Variants in HSPG2 observed in about 807,000 individuals in gnomAD.
HSPG2 encodes basement membrane-specific heparan sulfate proteoglycan core protein.
HSPG2 carries 278 observed loss-of-function variants against 526.6 expected under a neutral mutation model. The ratio of observed to expected loss-of-function variants is 0.53; its 90% CI spans 0.48 to 0.58. The LOEUF (loss-of-function observed/expected upper bound fraction) is 0.58, where lower values mean the gene tolerates loss of function less well. HSPG2 is among the 20% of genes least tolerant of loss of function. The pLI is 0.00. For missense variants in HSPG2, 5,354 were observed against 6,099.5 expected (o/e 0.88, Z 4.07); for synonymous variants, 2,465 against 2,555.4 (o/e 0.96, Z 1.07).
At position 21,827,903 on chromosome 1, in the gene HSPG2, T is replaced by C. The variant is rs777884144; in HGVS notation, c.12549A>G (p.Ile4183Met). ...PRCQQGSGHG[I>M]AESDWHLEGS... ...CTTCAAGATGCCAGTCGGACTCTGC[T>C]ATGCCATGTCCAGAGCCTATGGAGA... Residue 4183 changes from isoleucine (I) to methionine (M), a missense_variant, in exon 91 of 97, where the codon ATA becomes ATG. By Grantham distance (10) the Ile-to-Met change is conservative. Coordinates refer to ENST00000374695, the MANE Select transcript of HSPG2 (RefSeq NM_005529.7). The C allele has an allele frequency of 6.3e-7, 1 of 1,599,656 alleles. No homozygotes were observed. The highest frequency in any genetic ancestry group is 2.2e-5 in the East Asian group (1 of 44,546).
chr1:21,836,559 G>C (rs1450531746), intron 75 of HSPG2, among the ~76,000 whole-genome samples: 1 of 152,184 alleles, frequency 6.6e-6, no homozygotes, highest in African/African-American at 2.4e-5. Context: ...CTGACCTCAG[G>C]TGATCTGCCC....
At chr1:21,829,931 C>A (rs954541753) in intron 86 of HSPG2, 62 bp downstream of exon 86, 1 of 1,374,186 alleles carries the variant, frequency 7.3e-7, no homozygotes, top group Non-Finnish European at 1.0e-6. Context: ...CCTCAGAGTG[C>A]CCCACCCAGC....
chr1:21,878,073 G>T, intron 21 of HSPG2, 113 bp downstream of exon 21: 3 of 988,972 alleles, frequency 3.0e-6, no homozygotes, highest in Admixed American at 4.2e-5. Flanking sequence ...CCTCTGACTG[G>T]GTTACCACCC....
At chr1:21,867,151 TC>T (rs1304082359) in intron 33 of HSPG2, among the ~76,000 whole-genome samples, 2 of 135,768 alleles carry the variant, frequency 1.5e-5, no homozygotes, top group African/African-American at 5.7e-5. Flanking sequence ...AGATGGGGTC[TC>T]CCTATGTTGC....
Position 21,887,720 on chromosome 1 carries a change from T to C in HSPG2, c.704-46A>G, listed in dbSNP as rs1474681643. 5.6e-6 allele frequency: 9 copies of C among 1,612,220 alleles called. No homozygotes were observed. The highest frequency in any genetic ancestry group is 7.6e-6 in the Non-Finnish European group (9 of 1,178,812). The stretch of plus-strand genomic sequence containing the variant: ...GCATTTGGCAGAAGCAGATGGCTCC[T>C]CACCTGCTCCTTGTCCCCAACCCTC... On this transcript the variant is annotated intron_variant, in intron 7 of 96. Coordinates refer to ENST00000374695, the MANE Select transcript of HSPG2 (RefSeq NM_005529.7). The surrounding 1 kb of genome is among the most constrained non-coding windows in gnomAD (Gnocchi z 5.0).
chr1:21,885,157 A>G lies in HSPG2; in HGVS notation c.1211T>C (p.Met404Thr). 6.2e-7 allele frequency: 1 copy of G among 1,607,762 alleles called. No homozygotes were observed. Among genetic ancestry groups the G allele is most frequent in the Non-Finnish European group, 8.5e-7 (1 of 1,176,798 alleles). Residue 404 changes from methionine to threonine, a missense_variant and splice_region_variant, in exon 11 of 97, where the codon ATG becomes ACG. Coordinates refer to ENST00000374695, the MANE Select transcript of HSPG2 (RefSeq NM_005529.7). Reference sequence around the variant, plus strand: ...GGGAGGTGTCACCACCTGGGGGGGCACTGAGGAGACCAGGGCAGGAGTGAG... The same window carrying G: ...GGGAGGTGTCACCACCTGGGGGGGCGCTGAGGAGACCAGGGCAGGAGTGAG... ...CPDRSDEFGC[M>T]PPQVVTPPRE...
At chr1:21,853,162 GTGGGGACGGCCGACAGGTGGCCTTTC>G in intron 50 of HSPG2, 92 bp from the exon 51 acceptor site, 2 of 1,563,190 alleles carry the variant, frequency 1.3e-6, no homozygotes, top group Non-Finnish European at 1.7e-6. Context: ...CCAGGCCCTA[GTGGGGACGGCCGACAGGTGGCCTTTC>G]TGGGACTAGG....
At position 21,865,276 on chromosome 1, in the gene HSPG2, G is replaced by A; in HGVS notation, c.4395+9C>T. 6.2e-7 allele frequency: 1 copy of A among 1,613,644 alleles called. No individual in the cohort carries two copies. On this transcript the variant is annotated intron_variant, in intron 35 of 96. Coordinates refer to ENST00000374695, the MANE Select transcript of HSPG2 (RefSeq NM_005529.7). The surrounding 1 kb of genome is among the most constrained non-coding windows in gnomAD (Gnocchi z 5.4). The stretch of plus-strand genomic sequence containing the variant: ...GGGGTTAGACACAGCATGGCCAGGT[G>A]CCCCTTACCTCTCGGAACATGATCT...
chr1:21,848,078 G>T lies in HSPG2; in HGVS notation c.7753C>A (p.Leu2585Met). 2 of 1,607,784 alleles carry T rather than the reference G, an allele frequency of 1.2e-6. No homozygotes were observed. Among genetic ancestry groups the T allele is most frequent in the Non-Finnish European group, 1.7e-6 (2 of 1,177,536 alleles). Residue 2585 changes from leucine to methionine, a missense_variant, in exon 60 of 97, where the codon CTG (leucine) becomes ATG (methionine). By Grantham distance (15) the Leu-to-Met change is conservative. Transcript: ENST00000374695. This position sits in a 1 kb window ranked among gnomAD's most constrained non-coding sequence, Gnocchi z 4.9. Reference sequence around the variant, plus strand: ...GCCGGAGTCACCTGAGGGATCCGCAGCCGGGAGCCCACGATCTGCAGGAAG... The same window carrying T: ...GCCGGAGTCACCTGAGGGATCCGCATCCGGGAGCCCACGATCTGCAGGAAG... ...PSRHQIVGSR[L>M]RIPQVTPADS...
chr1:21,845,535 C>A (rs1053260958), intron 64 of HSPG2, among the ~76,000 whole-genome samples: 56 of 152,064 alleles, frequency 3.7e-4, no homozygotes, highest in African/African-American at 1.3e-3. Context: ...GGCGCCACCA[C>A]ACCCAGGTAA....
intron 1 of HSPG2, among the ~76,000 whole-genome samples, chr1:21,922,182 C>T (rs1281443945): frequency 6.6e-6 from 1 of 152,214 alleles, no homozygotes; most frequent in African/African-American, 2.4e-5. Flanking sequence ...TTCACCAAAA[C>T]CCTGCAGTGT....
chr1:21,887,173 G>GGAA lies in HSPG2; in HGVS notation c.1078+41_1078+42insTTC. The GGAA allele has an allele frequency of 1.9e-6, 3 of 1,611,808 alleles. No individual in the cohort carries two copies. The highest frequency in any genetic ancestry group is 2.5e-6 in the Non-Finnish European group (3 of 1,179,528). ...AAGGCGGGGCAGGAGCAAGCGGCCT[G>GGAA]GGCAGGGCAAGGGGGCCTCAGCTGG... On this transcript the variant is annotated intron_variant, in intron 9 of 96. Coordinates refer to ENST00000374695, the MANE Select transcript of HSPG2 (RefSeq NM_005529.7). The surrounding 1 kb of genome is among the most constrained non-coding windows in gnomAD (Gnocchi z 5.0).
chr1:21,893,680 G>C lies in HSPG2; in HGVS notation c.244+2242C>G, dbSNP rs1031090419. ...GCCCTGAGCCTGCAGAGTAGAGACA[G>C]AGAAGGAGGCAAGAAGGGACATTGA... On this transcript the variant is annotated intron_variant, in intron 3 of 96. Coordinates refer to ENST00000374695, the MANE Select transcript of HSPG2 (RefSeq NM_005529.7). This position sits in a 1 kb window ranked among gnomAD's most constrained non-coding sequence, Gnocchi z 4.3. Among the ~76,000 whole-genome samples the C allele has an allele frequency of 7.2e-5, 11 of 152,068 alleles. No homozygotes were observed. Among genetic ancestry groups the C allele is most frequent in the African/African-American group, 2.7e-4 (11 of 41,406 alleles).
At chr1:21,874,791 C>T (rs773857956) in intron 26 of HSPG2, 62 bp from the exon 27 acceptor site, 116 of 1,519,478 alleles carry the variant, frequency 7.6e-5, no homozygotes, top group Admixed American at 3.6e-4. Context: ...GGTAGGGGCA[C>T]TGGATGGCCA....
rs529660493 is a variant in HSPG2 at position 21,934,647 on chromosome 1, G to GT, written c.63+2507dup. 5.3e-4 allele frequency among the ~76,000 whole-genome samples: 80 copies of GT among 151,928 alleles called. 1 individual carries two copies. The East Asian group carries it at 0.012, about 23-fold the overall frequency. The stretch of plus-strand genomic sequence containing the variant: ...GTCTTGCTCTGTCGCCCAGGCTGGA[G>GT]TGCAGTGGCGCGATCTCGGCTCACT... On this transcript the variant is annotated intron_variant, in intron 1 of 96. Transcript: ENST00000374695.
Position 21,898,096 on chromosome 1 carries a change from C to T in HSPG2, c.64-1786G>A, listed in dbSNP as rs916000198. Among the ~76,000 whole-genome samples the T allele has an allele frequency of 3.9e-5, 6 of 152,182 alleles. No homozygotes were observed. Among genetic ancestry groups the T allele is most frequent in the Non-Finnish European group, 7.3e-5 (5 of 68,034 alleles). On this transcript the variant is annotated intron_variant, in intron 1 of 96. Coordinates refer to ENST00000374695, the MANE Select transcript of HSPG2 (RefSeq NM_005529.7). This position sits in a 1 kb window ranked among gnomAD's most constrained non-coding sequence, Gnocchi z 4.0. ...GAATGAATAAATGAACGGACAAAAA[C>T]GGAATTCATCACCTATGAATTCCAG...
At chr1:21,922,147 T>C (rs974225111) in intron 1 of HSPG2, among the ~76,000 whole-genome samples, 3 of 152,180 alleles carry the variant, frequency 2.0e-5, no homozygotes, top group African/African-American at 7.2e-5. Context: ...ATTCCAGCTG[T>C]AGGCTATTTA....
intron 33 of HSPG2, chr1:21,868,789 G>A (rs1369123095): frequency 1.3e-5 from 3 of 232,608 alleles, no homozygotes; most frequent in Non-Finnish European, 2.1e-5. Flanking sequence ...CGTGAGCCTC[G>A]GTCTCCCCAT....
rs1480834335 is a variant in HSPG2, at chr1:21,864,472, C to T, written c.4627-259G>A. 1.3e-5 allele frequency among the ~76,000 whole-genome samples: 2 copies of T among 152,236 alleles called. No individual in the cohort carries two copies. Among genetic ancestry groups the T allele is most frequent in the Non-Finnish European group, 2.9e-5 (2 of 68,048 alleles). On this transcript the variant is annotated intron_variant, in intron 36 of 96. Transcript: ENST00000374695. This position sits in a 1 kb window ranked among gnomAD's most constrained non-coding sequence, Gnocchi z 4.8. The stretch of plus-strand genomic sequence containing the variant: ...GTGTTTCTGAATTGGCTCCCTGTCT[C>T]TGGTGGGCCCCCTCAAGGGCATGAA...
Sources: allele counts gnomAD v4.1 joint callset (sites outside exome capture counted in the v4.1 genomes callset), GRCh38; gene constraint gnomAD v4.1.1; non-coding constraint Gnocchi (gnomAD v3.1); transcripts MANE v1.5; gene names NCBI Gene and HGNC (gene_info 2026-07-23, HGNC 2026-07-21).